The following KCTD8 variants were observed in gnomAD, a reference collection of about 807,000 sequenced individuals.
KCTD8 encodes the protein potassium channel tetramerization domain containing 8, also known as BTB/POZ domain-containing protein KCTD8.
A neutral mutation model predicts 31.5 loss-of-function variants in KCTD8; 27 were observed. The ratio of observed to expected loss-of-function variants is 0.86; its 90% CI spans 0.63 to 1.18. KCTD8 has a LOEUF of 1.18. Among genes scored for constraint, KCTD8 ranks in the 50% most tolerant of loss-of-function variants. The pLI is 0.00. For synonymous variants in KCTD8, 290 were observed against 280.0 expected (o/e 1.04, Z -0.36); for missense variants, 658 against 647.7 (o/e 1.02, Z -0.17).
rs61875723 is a variant in KCTD8 at position 44,300,963 on chromosome 4, G to A, written c.962-125713C>T. ...TTCCCATCTATGAGTGAGAACATGCGGTGTTTGGTTTTTTGTCCTTGCGAT... is the reference window on the plus strand; with the variant it reads ...TTCCCATCTATGAGTGAGAACATGCAGTGTTTGGTTTTTTGTCCTTGCGAT... On this transcript the variant is annotated intron_variant, in intron 1 of 1. Transcript: ENST00000360029. Among the ~76,000 whole-genome samples the A allele has an allele frequency of 5.8e-3, 805 of 138,924 alleles. 11 individuals are homozygous for A. Among genetic ancestry groups the A allele is most frequent in the African/African-American group, 0.02 (740 of 37,388 alleles). The allele number at this position is 138,924 out of a possible 152,430, so 91.1% of individuals were successfully genotyped here. A position where few individuals can be genotyped will look rare whatever the true frequency, so the allele number is the denominator to read the frequency against.
chr4:44,404,903 T>C (rs2109459185), intron 1 of KCTD8, among the ~76,000 whole-genome samples: 1 of 152,302 alleles, frequency 6.6e-6, no homozygotes, highest in South Asian at 2.1e-4. Context: ...GCCTCTCTTG[T>C]TTCATATAAT....
At chr4:44,289,745 C>T (rs1381376087) in intron 1 of KCTD8, among the ~76,000 whole-genome samples, 1 of 152,062 alleles carries the variant, frequency 6.6e-6, no homozygotes, top group East Asian at 1.9e-4. Flanking sequence ...AGAGCTCCAG[C>T]CTGCATGGAG....
At chr4:44,392,319 C>T (rs1720395174) in intron 1 of KCTD8, among the ~76,000 whole-genome samples, 1 of 151,890 alleles carries the variant, frequency 6.6e-6, no homozygotes, top group South Asian at 2.1e-4. Context: ...AAGTTTTACA[C>T]AGTGATGTAT....
chr4:44,399,111 A>G (rs1720581391), intron 1 of KCTD8, among the ~76,000 whole-genome samples: 1 of 152,194 alleles, frequency 6.6e-6, no homozygotes, highest in Non-Finnish European at 1.5e-5. Context: ...GCTACATCAC[A>G]GAGGCCAGGA....
chr4:44,399,381 T>C (rs979558666), intron 1 of KCTD8, among the ~76,000 whole-genome samples: 7 of 152,062 alleles, frequency 4.6e-5, no homozygotes, highest in Non-Finnish European at 7.4e-5. Context: ...TGAAAAAAAT[T>C]GCTGGGATGT....
chr4:44,218,424 G>A (rs1714713273), intron 1 of KCTD8, among the ~76,000 whole-genome samples: 1 of 151,592 alleles, frequency 6.6e-6, no homozygotes, highest in Admixed American at 6.6e-5. Context: ...ATGAGCCACT[G>A]TGCCCAGTCT....
intron 1 of KCTD8, among the ~76,000 whole-genome samples, chr4:44,337,886 C>T (rs189549983): frequency 1.9e-4 from 29 of 151,608 alleles, no homozygotes; most frequent in African/African-American, 5.3e-4. Context: ...CTTAATAATG[C>T]CCTATAACTA....
intron 1 of KCTD8, among the ~76,000 whole-genome samples, chr4:44,194,800 C>T (rs1577823212): frequency 1.1e-5 from 1 of 94,488 alleles, no homozygotes; most frequent in Non-Finnish European, 2.1e-5. Context: ...TCCCTCCCTC[C>T]CTCCCTCCCT....
chr4:44,251,727 A>G (rs924498587), intron 1 of KCTD8, among the ~76,000 whole-genome samples: 22 of 151,448 alleles, frequency 1.5e-4, no homozygotes, highest in African/African-American at 5.3e-4. Flanking sequence ...TATGCATCTT[A>G]TAGGTCTTGG....
intron 1 of KCTD8, among the ~76,000 whole-genome samples, chr4:44,238,258 G>T (rs150342221): frequency 6.6e-6 from 1 of 151,856 alleles, no homozygotes; most frequent in Non-Finnish European, 1.5e-5. Flanking sequence ...TACTCCCTAA[G>T]GGAAGCTGCC....
intron 1 of KCTD8, among the ~76,000 whole-genome samples, chr4:44,207,647 G>A (rs1714354440): frequency 6.6e-6 from 1 of 152,160 alleles, no homozygotes. Flanking sequence ...GTGTCAACAT[G>A]TCAATATGTA....
chr4:44,232,544 GATGTGGGCC>G (rs1202011002), intron 1 of KCTD8, among the ~76,000 whole-genome samples: 3 of 152,066 alleles, frequency 2.0e-5, no homozygotes, highest in African/African-American at 4.8e-5. Context: ...CCTAAAGAAT[GATGTGGGCC>G]ATTACTTTAT....
intron 1 of KCTD8, among the ~76,000 whole-genome samples, chr4:44,209,600 A>G (rs1032463750): frequency 6.6e-6 from 1 of 151,928 alleles, no homozygotes; most frequent in Non-Finnish European, 1.5e-5. Context: ...ATGTAATAAT[A>G]ATGAACATAG....
intron 1 of KCTD8, among the ~76,000 whole-genome samples, chr4:44,274,034 T>A (rs1271762252): frequency 6.6e-6 from 1 of 151,926 alleles, no homozygotes; most frequent in African/African-American, 2.4e-5. Flanking sequence ...TTTTCTAAAT[T>A]TAAAAAAGAT....
chr4:44,269,629 G>C (rs563102524), intron 1 of KCTD8, among the ~76,000 whole-genome samples: 2 of 151,962 alleles, frequency 1.3e-5, no homozygotes, highest in African/African-American at 4.8e-5. Context: ...GAAAATTTTC[G>C]CAACCTACTC....
chr4:44,380,657 C>T (rs1251117159), intron 1 of KCTD8, among the ~76,000 whole-genome samples: 1 of 151,658 alleles, frequency 6.6e-6, no homozygotes, highest in African/African-American at 2.4e-5. Flanking sequence ...CTGTGGTCAC[C>T]AAATTTCACA....
intron 1 of KCTD8, among the ~76,000 whole-genome samples, chr4:44,382,602 C>T (rs973752968): frequency 2.5e-4 from 38 of 151,772 alleles, no homozygotes; most frequent in African/African-American, 7.7e-4. Flanking sequence ...TGGTGGTGGG[C>T]ACCTGTAATC....
intron 1 of KCTD8, among the ~76,000 whole-genome samples, chr4:44,287,677 C>A (rs1158501536): frequency 6.6e-6 from 1 of 152,134 alleles, no homozygotes; most frequent in African/African-American, 2.4e-5. Context: ...CTAAGATAAA[C>A]AACATTTGTC....
At chr4:44,326,128 T>C (rs1035878867) in intron 1 of KCTD8, among the ~76,000 whole-genome samples, 11 of 151,942 alleles carry the variant, frequency 7.2e-5, no homozygotes, top group Admixed American at 2.0e-4. Flanking sequence ...GTTTTTTCAT[T>C]TGTTTGTTTT....
Sources: gnomAD v4.1 joint callset for allele counts (sites outside exome capture counted in the v4.1 genomes callset) on GRCh38, gnomAD v4.1.1 for gene constraint, MANE v1.5 for transcripts, NCBI Gene and HGNC (gene_info 2026-07-23, HGNC 2026-07-21) for gene names.